B4GALNT3: variants seen among roughly 807,000 people sequenced by gnomAD.
The protein encoded by B4GALNT3 is beta-1,4-N-acetyl-galactosaminyltransferase 3.
A neutral mutation model predicts 120.2 loss-of-function variants in B4GALNT3; 86 were observed. That is an observed-to-expected ratio of 0.72 (90% CI 0.60 to 0.86). B4GALNT3 has a LOEUF of 0.86. Among genes scored for constraint, B4GALNT3 ranks in the 40% least tolerant of loss-of-function variants. The pLI is 0.00. For synonymous variants in B4GALNT3, 518 were observed against 510.4 expected (o/e 1.01, Z -0.20); for missense variants, 1,167 against 1,298.9 (o/e 0.90, Z 1.56).
chr12:560,338 G>A (rs1947214561), intron 19 of B4GALNT3, among the ~76,000 whole-genome samples: 1 of 152,076 alleles, frequency 6.6e-6, no homozygotes, highest in African/African-American at 2.4e-5. Flanking sequence ...CCAGTCACTG[G>A]GTCCCTATAC....
At chr12:464,219 C>T (rs1338620144) in intron 1 of B4GALNT3, among the ~76,000 whole-genome samples, 1 of 152,238 alleles carries the variant, frequency 6.6e-6, no homozygotes, top group East Asian at 1.9e-4. Flanking sequence ...GGCTGAAAAG[C>T]AGCCCTGGGA....
intron 1 of B4GALNT3, among the ~76,000 whole-genome samples, chr12:512,097 C>T (rs1946579968): frequency 7.1e-6 from 1 of 141,074 alleles, no homozygotes; most frequent in Non-Finnish European, 1.5e-5. Context: ...CTTCCACCTT[C>T]CACCTTCCAC....
intron 11 of B4GALNT3, among the ~76,000 whole-genome samples, chr12:551,692 G>A (rs927851333): frequency 6.6e-6 from 1 of 152,128 alleles, no homozygotes; most frequent in Non-Finnish European, 1.5e-5. Context: ...GTTGTTCTAG[G>A]GCTGTGGGAG....
intron 1 of B4GALNT3, among the ~76,000 whole-genome samples, chr12:479,953 G>A (rs1178169463): frequency 1.5e-5 from 2 of 129,108 alleles, no homozygotes; most frequent in Non-Finnish European, 3.1e-5. Flanking sequence ...TCGCTCTGTC[G>A]CCCAGGCTGG....
chr12:556,525 C>T (rs775338246), intron 14 of B4GALNT3, 22 bp from the exon 15 acceptor site: 15 of 1,598,122 alleles, frequency 9.4e-6, no homozygotes, highest in South Asian at 8.9e-5. Flanking sequence ...ACCACTCAGC[C>T]TCCCCACACT....
chr12:493,714 T>C (rs1946365127), intron 1 of B4GALNT3, among the ~76,000 whole-genome samples: 2 of 152,162 alleles, frequency 1.3e-5, no homozygotes, highest in Admixed American at 6.5e-5. Context: ...CTGCTTTTAT[T>C]CATTTGCTTT....
Position 552,509 on chromosome 12 carries a change from G to T in B4GALNT3, c.1251G>T (p.Lys417Asn). ...ACATCAAGATTGACCAGCCTGAGAA[G>T]CAGGGGCTGGAGCAGCCAGGTACAG... ...QEYIKIDQPE[K>N]QGLEQPGFEE... The change falls in exon 13 of 20, where the codon AAG (lysine) becomes AAT (asparagine). Residue 417 changes from lysine to asparagine, a missense_variant. Lys to Asn is a moderately conservative substitution (Grantham distance 94). Around this residue, in one of 3 missense-constraint regions of B4GALNT3, gnomAD observed 983 missense variants for 1,102.5 expected, o/e 0.89. Coordinates refer to ENST00000266383, the MANE Select transcript of B4GALNT3 (RefSeq NM_173593.4). The T allele has an allele frequency of 6.2e-7, 1 of 1,613,918 alleles. No individual in the cohort carries two copies. Among genetic ancestry groups the T allele is most frequent in the Non-Finnish European group, 8.5e-7 (1 of 1,180,016 alleles).
intron 1 of B4GALNT3, among the ~76,000 whole-genome samples, chr12:513,376 C>T (rs559221410): frequency 1.5e-4 from 23 of 152,332 alleles, no homozygotes; most frequent in African/African-American, 5.5e-4. Context: ...ATGCTTATTT[C>T]TTGATTAGAT....
chr12:543,480 AGGAGCTGG>A (rs1946946467), intron 3 of B4GALNT3, among the ~76,000 whole-genome samples: 1 of 91,100 alleles, frequency 1.1e-5, no homozygotes, highest in Non-Finnish European at 2.2e-5. Flanking sequence ...CCTGGAGCTG[AGGAGCTGG>A]GACGGGCATG....
At chr12:523,787 G>A (rs1048575748) in intron 1 of B4GALNT3, among the ~76,000 whole-genome samples, 5 of 152,244 alleles carry the variant, frequency 3.3e-5, no homozygotes, top group Non-Finnish European at 5.9e-5. Context: ...TATAGGCCGG[G>A]CGCAGTGGCT....
Position 557,704 on chromosome 12 carries a change from A to T in B4GALNT3, c.2477A>T (p.Asp826Val). The change falls in exon 16 of 20, where the codon GAC becomes GTC. Residue 826 changes from aspartate (D) to valine (V), a missense_variant. By Grantham distance (152) the Asp-to-Val change is radical. Transcript: ENST00000266383. ...GDPHFNIVITDYSSEDMDVEM... is the reference protein window; with the variant it reads ...GDPHFNIVITVYSSEDMDVEM... Reference sequence around the variant, plus strand: ...CCACACTTCAACATCGTCATCACTGACTATAGCAGTGAGGACATGGATGTT... The same window carrying T: ...CCACACTTCAACATCGTCATCACTGTCTATAGCAGTGAGGACATGGATGTT... The T allele has an allele frequency of 6.2e-7, 1 of 1,605,820 alleles. No individual in the cohort carries two copies. The highest frequency in any genetic ancestry group is 8.5e-7 in the Non-Finnish European group (1 of 1,177,280).
chr12:527,717 C>G (rs958213109), intron 1 of B4GALNT3, among the ~76,000 whole-genome samples: 1 of 152,188 alleles, frequency 6.6e-6, no homozygotes, highest in Non-Finnish European at 1.5e-5. Context: ...TGCAGACACA[C>G]AGCTGGGTGG....
intron 14 of B4GALNT3, 41 bp from the exon 15 acceptor site, chr12:556,506 T>A: frequency 6.4e-7 from 1 of 1,568,172 alleles, no homozygotes; most frequent in Non-Finnish European, 8.7e-7. Context: ...CCTCCCAGTG[T>A]GGAAAGGAAC....
rs748491844 is a variant in B4GALNT3, at chr12:556,818, C to G, written c.2332C>G (p.Gln778Glu). 7 of 1,613,322 alleles carry G rather than the reference C, an allele frequency of 4.3e-6. No individual in the cohort carries two copies. In the African/African-American group the frequency reaches 9.3e-5, roughly 22 times the overall value. Residue 778 changes from glutamine to glutamate, a missense_variant, in exon 15 of 20, where the codon CAG becomes GAG. Gln to Glu is a conservative substitution (Grantham distance 29). Coordinates refer to ENST00000266383, the MANE Select transcript of B4GALNT3 (RefSeq NM_173593.4). ...CCAAGAGCCCAAGCTGTGCTGGCCT[C>G]AGGGTTTCTCCTGGAGTCACCGAGC... ...RAQEPKLCWP[Q>E]GFSWSHRAVV... is the part of the protein sequence containing the mutation.
chr12:497,359 G>A (rs1279511653), intron 1 of B4GALNT3, among the ~76,000 whole-genome samples: 16 of 151,826 alleles, frequency 1.1e-4, no homozygotes. Context: ...CTCCATGTTG[G>A]TCAGGCTGTT....
intron 1 of B4GALNT3, among the ~76,000 whole-genome samples, chr12:493,149 A>G (rs1216123144): frequency 6.6e-6 from 1 of 152,254 alleles, no homozygotes; most frequent in Non-Finnish European, 1.5e-5. Context: ...AAGAACAAGA[A>G]GACAGTCTAC....
chr12:551,999 G>T, intron 11 of B4GALNT3, 64 bp from the exon 12 acceptor site: 1 of 1,301,600 alleles, frequency 7.7e-7, no homozygotes, highest in Non-Finnish European at 1.1e-6. Context: ...GCTTAACCCT[G>T]GCTGGCTGAT....
chr12:550,239 A>C lies in B4GALNT3; in HGVS notation c.997+327A>C, dbSNP rs1227732073. 6.6e-6 allele frequency among the ~76,000 whole-genome samples: 1 copy of C among 152,176 alleles called. No individual in the cohort carries two copies. The highest frequency in any genetic ancestry group is 1.5e-5 in the Non-Finnish European group (1 of 68,038). ...ACGTCCCCGCCTCTTACTGCATTCC[A>C]ACTCTTGTCATCCAAGGAGAGAAAT... On this transcript the variant is annotated intron_variant, in intron 10 of 19. Transcript: ENST00000266383. The surrounding 1 kb of genome is among the most constrained non-coding windows in gnomAD (Gnocchi z 4.1).
chr12:487,731 GAA>G (rs1367806031), intron 1 of B4GALNT3, among the ~76,000 whole-genome samples: 2 of 146,520 alleles, frequency 1.4e-5, no homozygotes, highest in Non-Finnish European at 3.0e-5. Flanking sequence ...AAAAAAGAAA[GAA>G]AAGAAGAAGA....
Sources: gnomAD v4.1 joint callset for allele counts (sites outside exome capture counted in the v4.1 genomes callset) on GRCh38, gnomAD v4.1.1 for gene constraint, gnomAD v4.1.1 regional missense constraint, Gnocchi (gnomAD v3.1) non-coding constraint, MANE v1.5 for transcripts, NCBI Gene and HGNC (gene_info 2026-07-23, HGNC 2026-07-21) for gene names.